KIAA1217: variants seen among roughly 807,000 people sequenced by gnomAD.
The protein encoded by KIAA1217 is KIAA1217, also known as sickle tail protein homolog.
Under a neutral mutation model 163.9 loss-of-function variants are expected in KIAA1217, and 88 were observed. The ratio of observed to expected loss-of-function variants is 0.54; its 90% CI spans 0.45 to 0.64. The LOEUF is 0.64. Among genes scored for constraint, KIAA1217 ranks in the 30% least tolerant of loss-of-function variants. The probability of loss-of-function intolerance (pLI) is 0.00; values close to 1 mark genes in which losing one functional copy is unlikely to be tolerated. For missense variants in KIAA1217, 2,372 were observed against 2,475.0 expected, an observed-to-expected ratio of 0.96 and a Z score of 0.88; for synonymous variants, 903 against 923.1, an observed-to-expected ratio of 0.98 and a Z score of 0.39.
intron 10 of KIAA1217, 113 bp from the exon 11 acceptor site, chr10:24,520,010 G>A: frequency 1.6e-6 from 2 of 1,213,342 alleles, no homozygotes; most frequent in Non-Finnish European, 2.3e-6. Context: ...AAGGCAGGGG[G>A]GAGGAGCTGG....
At chr10:23,760,042 AT>A (rs1395154300) in intron 1 of KIAA1217, among the ~76,000 whole-genome samples, 2 of 152,108 alleles carry the variant, frequency 1.3e-5, no homozygotes, top group Non-Finnish European at 2.9e-5. Context: ...AGCTAATTTT[AT>A]TTTATTTTTG....
chr10:24,301,688 AT>A lies in KIAA1217; in HGVS notation c.355-79172del, dbSNP rs374894650. Among the ~76,000 whole-genome samples, 359 of 151,508 alleles carry A rather than the reference AT, an allele frequency of 2.4e-3. 3 individuals are homozygous for A. The highest frequency in any genetic ancestry group is 7.7e-3 in the African/African-American group (319 of 41,344). ...GCTTGCAAAAAATGTTTATTTACTT[AT>A]TTTTTTTTAAAGGCAACAGAAGTTC... On this transcript the variant is annotated intron_variant, in intron 2 of 20. Transcript: ENST00000376454.
At chr10:23,845,869 T>C (rs1839001784) in intron 1 of KIAA1217, among the ~76,000 whole-genome samples, 1 of 152,160 alleles carries the variant, frequency 6.6e-6, no homozygotes, top group South Asian at 2.1e-4. Flanking sequence ...TTTTAGGTCT[T>C]ATGCTTAAGT....
At chr10:24,157,831 T>A (rs2064946887) in intron 2 of KIAA1217, 1 of 504,478 alleles carries the variant, frequency 2.0e-6, no homozygotes, top group African/African-American at 2.0e-5. Context: ...AAGTTCCTGA[T>A]GCAATGGCAG....
chr10:24,320,041 A>G (rs1380935777), intron 2 of KIAA1217, among the ~76,000 whole-genome samples: 1 of 152,220 alleles, frequency 6.6e-6, no homozygotes, highest in African/African-American at 2.4e-5. Context: ...ACCATCGTCT[A>G]GTAACTGGTT....
At chr10:24,253,409 G>T (rs1167869210) in intron 2 of KIAA1217, among the ~76,000 whole-genome samples, 1 of 152,104 alleles carries the variant, frequency 6.6e-6, no homozygotes, top group African/African-American at 2.4e-5. Flanking sequence ...CCCAATGCAG[G>T]CCACTTACAG....
At chr10:23,732,689 T>G (rs761006388) in intron 1 of KIAA1217, among the ~76,000 whole-genome samples, 2 of 152,144 alleles carry the variant, frequency 1.3e-5, no homozygotes, top group African/African-American at 2.4e-5. Context: ...TACTTTTGAT[T>G]TAATTTGCTC....
intron 2 of KIAA1217, among the ~76,000 whole-genome samples, chr10:24,282,579 T>G (rs2078072427): frequency 6.6e-6 from 1 of 152,192 alleles, no homozygotes. Flanking sequence ...TTGCTGACAT[T>G]CATCCAGCTT....
intron 1 of KIAA1217, among the ~76,000 whole-genome samples, chr10:23,999,255 G>A (rs1333460408): frequency 6.6e-6 from 1 of 152,238 alleles, no homozygotes; most frequent in East Asian, 1.9e-4. Flanking sequence ...GGTGAAACCT[G>A]TGTGTTTGCC....
At chr10:24,272,015 C>T (rs897740660) in intron 2 of KIAA1217, among the ~76,000 whole-genome samples, 2 of 151,992 alleles carry the variant, frequency 1.3e-5, no homozygotes, top group Non-Finnish European at 2.9e-5. Context: ...ATGGGATGCT[C>T]GTGAGAGTAG....
chr10:24,358,548 T>G (rs2049433391), intron 2 of KIAA1217, among the ~76,000 whole-genome samples: 1 of 152,214 alleles, frequency 6.6e-6, no homozygotes, highest in South Asian at 2.1e-4. Flanking sequence ...TATTAACTAT[T>G]TCAAAGCTCT....
At chr10:24,493,253 C>A (rs7086244) in intron 6 of KIAA1217, among the ~76,000 whole-genome samples, 2 of 152,096 alleles carry the variant, frequency 1.3e-5, no homozygotes, top group African/African-American at 2.4e-5. Flanking sequence ...ACTCACAAAC[C>A]CAGAGGCCTG....
At position 24,399,411 on chromosome 10, in the gene KIAA1217, A is replaced by G. The variant is rs570085910; in HGVS notation, c.553+18344A>G. 1.2e-3 allele frequency among the ~76,000 whole-genome samples: 180 copies of G among 152,332 alleles called. 3 individuals carry two copies. Among genetic ancestry groups the G allele is most frequent in the African/African-American group, 4.1e-3 (172 of 41,576 alleles). On this transcript the variant is annotated intron_variant, in intron 3 of 20. Coordinates refer to ENST00000376454, the MANE Select transcript of KIAA1217 (RefSeq NM_019590.5). The stretch of plus-strand genomic sequence containing the variant: ...CTTTCCCAATTCAAAAAAATGCTCT[A>G]TCATTGTCCTTTCACATCGTGTTTC...
At chr10:23,970,092 TG>T (rs1845248642) in intron 1 of KIAA1217, among the ~76,000 whole-genome samples, 1 of 152,214 alleles carries the variant, frequency 6.6e-6, no homozygotes, top group Non-Finnish European at 1.5e-5. Context: ...ATGGGAATTA[TG>T]GGAGCTATAG....
chr10:23,870,825 T>C (rs934358153), intron 1 of KIAA1217, among the ~76,000 whole-genome samples: 22 of 152,016 alleles, frequency 1.4e-4, no homozygotes, highest in African/African-American at 5.3e-4. Context: ...GCACCCTAAG[T>C]CAATTGAGTT....
intron 2 of KIAA1217, chr10:24,239,330 G>A (rs554780365): frequency 5.6e-4 from 554 of 983,246 alleles, no homozygotes; most frequent in Non-Finnish European, 6.4e-4. Flanking sequence ...GTGGAGCTCT[G>A]GGTACAGGTA....
chr10:23,955,893 A>C (rs1177064010), intron 1 of KIAA1217, among the ~76,000 whole-genome samples: 1 of 152,176 alleles, frequency 6.6e-6, no homozygotes, highest in East Asian at 1.9e-4. Context: ...TCAGACGTGC[A>C]GTTAAATGGA....
chr10:23,710,648 T>G (rs1837191174), intron 1 of KIAA1217, among the ~76,000 whole-genome samples: 1 of 152,230 alleles, frequency 6.6e-6, no homozygotes, highest in African/African-American at 2.4e-5. Flanking sequence ...TTTGGAAAAT[T>G]CATTATATTT....
chr10:24,076,684 A>G (rs2061377996), intron 2 of KIAA1217, among the ~76,000 whole-genome samples: 1 of 152,166 alleles, frequency 6.6e-6, no homozygotes, highest in Non-Finnish European at 1.5e-5. Context: ...CTCTGTCTCC[A>G]AAGTCCATGC....
Sources: allele counts gnomAD v4.1 joint callset (sites outside exome capture counted in the v4.1 genomes callset), GRCh38; gene constraint gnomAD v4.1.1; transcripts MANE v1.5; gene names NCBI Gene and HGNC (gene_info 2026-07-23, HGNC 2026-07-21).